OLFM3: variants seen among roughly 807,000 people sequenced by gnomAD.
OLFM3 encodes the protein noelin-3.
A neutral mutation model predicts 48.6 loss-of-function variants in OLFM3; 20 were observed. That is an observed-to-expected ratio of 0.41 (90% CI 0.29 to 0.60). The LOEUF (loss-of-function observed/expected upper bound fraction) is 0.60. OLFM3 is among the 20% of genes least tolerant of loss of function. OLFM3 has a pLI of 0.28. For synonymous variants in OLFM3, 222 were observed against 198.1 expected, an observed-to-expected ratio of 1.12 and a Z score of -1.01; for missense variants, 437 against 544.3, an observed-to-expected ratio of 0.80 and a Z score of 1.96.
chr1:101,812,373 G>C (rs1654109320), intron 4 of OLFM3: 1 of 946,734 alleles, frequency 1.1e-6, no homozygotes, highest in Non-Finnish European at 1.3e-6. Flanking sequence ...AGTGAAGTTT[G>C]ATTTACCAGC....
At chr1:101,887,928 A>T (rs1212646207) in intron 1 of OLFM3, among the ~76,000 whole-genome samples, 1 of 152,138 alleles carries the variant, frequency 6.6e-6, no homozygotes, top group Non-Finnish European at 1.5e-5. Context: ...TAAATAAAAA[A>T]GCATATATTC....
At chr1:101,817,981 A>G (rs941510454) in intron 4 of OLFM3, among the ~76,000 whole-genome samples, 1 of 152,094 alleles carries the variant, frequency 6.6e-6, no homozygotes, top group Non-Finnish European at 1.5e-5. Context: ...TGGATAGAGC[A>G]CCGGAATGAG....
intron 1 of OLFM3, among the ~76,000 whole-genome samples, chr1:101,844,578 T>C (rs1056041583): frequency 6.6e-6 from 1 of 152,158 alleles, no homozygotes; most frequent in African/African-American, 2.4e-5. Flanking sequence ...ATTTGTAGAA[T>C]AATGAGGCTG....
intron 1 of OLFM3, among the ~76,000 whole-genome samples, chr1:101,979,791 C>T (rs1279812328): frequency 6.6e-6 from 1 of 152,128 alleles, no homozygotes; most frequent in Admixed American, 6.5e-5. Context: ...TCCTCCAGCC[C>T]CCAGAATGGT....
intron 1 of OLFM3, among the ~76,000 whole-genome samples, chr1:101,973,412 A>G (rs1660864954): frequency 6.6e-6 from 1 of 152,184 alleles, no homozygotes; most frequent in Non-Finnish European, 1.5e-5. Flanking sequence ...GGATTGGACG[A>G]GGCTCACTCG....
At chr1:101,942,831 A>T (rs1659835567) in intron 1 of OLFM3, among the ~76,000 whole-genome samples, 1 of 152,234 alleles carries the variant, frequency 6.6e-6, no homozygotes, top group Non-Finnish European at 1.5e-5. Context: ...ACAAAAACAG[A>T]GGGAAAATAA....
At chr1:101,958,631 G>A (rs188536839) in intron 1 of OLFM3, among the ~76,000 whole-genome samples, 104 of 152,026 alleles carry the variant, frequency 6.8e-4, no homozygotes, top group African/African-American at 2.3e-3. Context: ...CCAATCAGGC[G>A]ATGAAAAGCG....
At chr1:101,933,402 A>G (rs1220681412) in intron 1 of OLFM3, among the ~76,000 whole-genome samples, 1 of 151,954 alleles carries the variant, frequency 6.6e-6, no homozygotes, top group Admixed American at 6.6e-5. Context: ...ACTCAGTTAG[A>G]CAAAAATAAA....
chr1:101,862,101 G>T (rs1656683323), intron 1 of OLFM3, among the ~76,000 whole-genome samples: 1 of 152,156 alleles, frequency 6.6e-6, no homozygotes, highest in African/African-American at 2.4e-5. Flanking sequence ...GTGGACTCTG[G>T]ATTCTGTTTC....
At chr1:101,885,386 T>A (rs1276496938) in intron 1 of OLFM3, among the ~76,000 whole-genome samples, 2 of 151,976 alleles carry the variant, frequency 1.3e-5, no homozygotes, top group African/African-American at 4.8e-5. Flanking sequence ...AGCACTGAAA[T>A]AAAGCAAATG....
At chr1:101,874,102 T>C (rs1229525874) in intron 1 of OLFM3, among the ~76,000 whole-genome samples, 3 of 151,918 alleles carry the variant, frequency 2.0e-5, no homozygotes, top group African/African-American at 4.8e-5. Flanking sequence ...CCTAATTCTA[T>C]AAGTTGGAAA....
intron 1 of OLFM3, among the ~76,000 whole-genome samples, chr1:101,888,724 T>G (rs1045762573): frequency 4.6e-5 from 7 of 152,058 alleles, no homozygotes; most frequent in Non-Finnish European, 1.0e-4. Flanking sequence ...ACCTACAGAA[T>G]GGGAGAAAAT....
chr1:101,856,886 AG>A (rs1472132329), intron 1 of OLFM3, among the ~76,000 whole-genome samples: 1 of 152,004 alleles, frequency 6.6e-6, no homozygotes, highest in African/African-American at 2.4e-5. Context: ...AAGTACCTAT[AG>A]GGATATAATG....
At chr1:101,830,028 C>T (rs1570533155) in intron 3 of OLFM3, among the ~76,000 whole-genome samples, 1 of 151,780 alleles carries the variant, frequency 6.6e-6, no homozygotes. Flanking sequence ...TTAGTAGAGA[C>T]GGGGTTTCAC....
intron 1 of OLFM3, among the ~76,000 whole-genome samples, chr1:101,917,228 T>C (rs1005590545): frequency 2.0e-5 from 3 of 152,152 alleles, no homozygotes; most frequent in Non-Finnish European, 4.4e-5. Context: ...TCATCTGTTG[T>C]AGTAACAATA....
At chr1:101,837,060 T>G in intron 1 of OLFM3, 35 bp from the exon 2 acceptor site, 1 of 1,593,070 alleles carries the variant, frequency 6.3e-7, no homozygotes, top group Non-Finnish European at 8.6e-7. Flanking sequence ...AAACACAGAC[T>G]CCTGTTATAG....
At chr1:101,949,920 A>T (rs191417063) in intron 1 of OLFM3, among the ~76,000 whole-genome samples, 1,298 of 113,456 alleles carry the variant, frequency 0.011, 6 homozygotes, top group South Asian at 0.026. Flanking sequence ...CAACAGAGCA[A>T]GACTCCGTCT....
chr1:101,843,363 A>G (rs1374233419), intron 1 of OLFM3, among the ~76,000 whole-genome samples: 1 of 152,134 alleles, frequency 6.6e-6, no homozygotes, highest in African/African-American at 2.4e-5. Context: ...TGTGAAGCCC[A>G]CAGCGTGAGG....
intron 1 of OLFM3, chr1:101,910,182 C>T: frequency 2.0e-6 from 2 of 978,292 alleles, no homozygotes; most frequent in Non-Finnish European, 2.4e-6. Context: ...AAAGCACATT[C>T]TCGACCGGGC....
Sources: allele counts gnomAD v4.1 joint callset (sites outside exome capture counted in the v4.1 genomes callset), GRCh38; gene constraint gnomAD v4.1.1; transcripts MANE v1.5; gene names NCBI Gene and HGNC (gene_info 2026-07-23, HGNC 2026-07-21).